The following FNDC1 variants were observed in gnomAD, a reference collection of about 807,000 sequenced individuals.
FNDC1 encodes fibronectin type III domain-containing protein 1.
In FNDC1, 96 loss-of-function variants were observed where a neutral mutation model predicts 168.0. That is an observed-to-expected ratio of 0.57 (90% CI 0.48 to 0.68). The LOEUF (loss-of-function observed/expected upper bound fraction) is 0.68, where lower values mean the gene tolerates loss of function less well. Ranked by LOEUF, FNDC1 falls within the 30% of genes least tolerant of loss-of-function variation. The pLI, the probability that FNDC1 is intolerant of heterozygous loss-of-function variation, is 0.00. For synonymous variants in FNDC1, 1,099 were observed against 1,025.9 expected, an observed-to-expected ratio of 1.07 and a Z score of -1.36; for missense variants, 2,587 against 2,482.1, an observed-to-expected ratio of 1.04 and a Z score of -0.90.
Position 159,231,982 on chromosome 6 carries a change from C to A in FNDC1, c.1470C>A (p.His490Gln). The change falls in exon 11 of 23, where the codon CAC becomes CAA. Residue 490 changes from histidine (H) to glutamine (Q), a missense_variant. Transcript: ENST00000297267. ...PSPRAPASSQ[H>Q]PSVPASPQGR... Reference sequence around the variant, plus strand: ...CCAGAGCTCCAGCTTCCTCCCAACACCCCTCTGTGCCTGCTTCTCCCCAAG... The same window carrying A: ...CCAGAGCTCCAGCTTCCTCCCAACAACCCTCTGTGCCTGCTTCTCCCCAAG... 1 of 1,614,018 alleles carries A rather than the reference C, an allele frequency of 6.2e-7. No individual in the cohort carries two copies. Among genetic ancestry groups the A allele is most frequent in the South Asian group, 1.1e-5 (1 of 91,078 alleles).
rs1434237919 is a variant in FNDC1 at position 159,245,841 on chromosome 6, C to T, written c.4622-1060C>T. Among the ~76,000 whole-genome samples the T allele has an allele frequency of 2.6e-4, 2 of 7,826 alleles. 1 individual carries two copies. The highest frequency in any genetic ancestry group is 2.1e-3 in the East Asian group (2 of 956). 5.1% of individuals were successfully genotyped at this position (7,826 alleles called of 152,430 possible). On this transcript the variant is annotated intron_variant, in intron 14 of 22. Coordinates refer to ENST00000297267, the MANE Select transcript of FNDC1 (RefSeq NM_032532.3). ...TCGGCTCACTGCAAGCTCCACCTCC[C>T]GGGTTCACGCCATTCTCCTGCCTCA...
intron 18 of FNDC1, among the ~76,000 whole-genome samples, chr6:159,260,667 T>A (rs1247237311): frequency 6.6e-6 from 1 of 152,236 alleles, no homozygotes; most frequent in Non-Finnish European, 1.5e-5. Context: ...CCTCTCCCTG[T>A]CAACCATAAG....
chr6:159,200,074 G>A lies in FNDC1; in HGVS notation c.383G>A (p.Ser128Asn). ...GVSRPVYRAE[S>N]PPGGEWIEID... Reference sequence around the variant, plus strand: ...AGCCGTCCTGTTTACAGAGCTGAAAGCCCACCTGGTAAGTCCTATCTAGAA... The same window carrying A: ...AGCCGTCCTGTTTACAGAGCTGAAAACCCACCTGGTAAGTCCTATCTAGAA... The change falls in exon 3 of 23, where the codon AGC becomes AAC. Residue 128 changes from serine (S) to asparagine (N), a missense_variant. Transcript: ENST00000297267. 6.3e-7 allele frequency: 1 copy of A among 1,595,216 alleles called. No individual in the cohort carries two copies. Among genetic ancestry groups the A allele is most frequent in the Non-Finnish European group, 8.5e-7 (1 of 1,170,334 alleles).
rs1361814216 is a variant in FNDC1 at position 159,231,957 on chromosome 6, C to T, written c.1445C>T (p.Pro482Leu). The T allele has an allele frequency of 1.2e-6, 2 of 1,613,968 alleles. No homozygotes were observed. Among genetic ancestry groups the T allele is most frequent in the South Asian group, 2.2e-5 (2 of 91,072 alleles). Reference sequence around the variant, plus strand: ...AAACCTGAGCCTTCCTCACCTTCTCCCAGAGCTCCAGCTTCCTCCCAACAC... The same window carrying T: ...AAACCTGAGCCTTCCTCACCTTCTCTCAGAGCTCCAGCTTCCTCCCAACAC... ...PEKPEPSSPS[P>L]RAPASSQHPS... The change falls in exon 11 of 23, where the codon CCC becomes CTC. Residue 482 changes from proline to leucine, a missense_variant. Transcript: ENST00000297267.
chr6:159,232,604 C>G lies in FNDC1; in HGVS notation c.2092C>G (p.Arg698Gly), dbSNP rs1339056386. 6.2e-7 allele frequency: 1 copy of G among 1,607,554 alleles called. No homozygotes were observed. The highest frequency in any genetic ancestry group is 8.5e-7 in the Non-Finnish European group (1 of 1,175,924). ...HPGAKPASPA[R>G]RTPHSGAAEE... ...CGGCGCAAAGCCAGCCTCGCCGGCC[C>G]GGAGGACCCCCCATTCAGGGGCCGC... The change falls in exon 11 of 23, where the codon CGG becomes GGG. Residue 698 changes from arginine to glycine, a missense_variant. Arg to Gly is a moderately radical substitution (Grantham distance 125, BLOSUM62 -2). Coordinates refer to ENST00000297267, the MANE Select transcript of FNDC1 (RefSeq NM_032532.3). This position sits in a 1 kb window ranked among gnomAD's most constrained non-coding sequence, Gnocchi z 4.9.
At chr6:159,249,761 T>C (rs1039986899) in intron 16 of FNDC1, among the ~76,000 whole-genome samples, 4 of 152,360 alleles carry the variant, frequency 2.6e-5, no homozygotes, top group South Asian at 2.1e-4. Flanking sequence ...GTCTTGCAAG[T>C]CTTCTTTTCC....
intron 1 of FNDC1, among the ~76,000 whole-genome samples, chr6:159,188,467 C>T (rs1381513072): frequency 4.0e-5 from 6 of 151,764 alleles, no homozygotes; most frequent in Non-Finnish European, 5.9e-5. Context: ...CTCCGCCTCC[C>T]GGGTTCATGC....
At chr6:159,216,747 C>A (rs781573972) in intron 5 of FNDC1, among the ~76,000 whole-genome samples, 4 of 152,214 alleles carry the variant, frequency 2.6e-5, no homozygotes, top group Non-Finnish European at 4.4e-5. Context: ...AGTACACTTG[C>A]CCTATGTTCT....
chr6:159,261,465 C>T (rs1777483017), intron 19 of FNDC1, among the ~76,000 whole-genome samples, 196 bp downstream of exon 19: 2 of 152,100 alleles, frequency 1.3e-5, no homozygotes, highest in African/African-American at 4.8e-5. Flanking sequence ...GTAGTTTTCA[C>T]GGGCTCTCTG....
At position 159,234,289 on chromosome 6, in the gene FNDC1, C is replaced by G; in HGVS notation, c.3777C>G (p.Ser1259=). 6.2e-7 allele frequency: 1 copy of G among 1,602,406 alleles called. No homozygotes were observed. The highest frequency in any genetic ancestry group is 8.5e-7 in the Non-Finnish European group (1 of 1,174,716). ...GSSPRASHVP[S]RLPPRSAATV... The stretch of plus-strand genomic sequence containing the variant: ...CCCCCAGGGCCTCCCACGTCCCTTC[C>G]CGACTGCCGCCTCGCAGCGCTGCCA... Residue 1259 remains serine, a synonymous_variant, in exon 11 of 23, where the codon TCC becomes TCG. Coordinates refer to ENST00000297267, the MANE Select transcript of FNDC1 (RefSeq NM_032532.3).
chr6:159,202,902 T>C (rs1386213984), intron 4 of FNDC1, among the ~76,000 whole-genome samples: 1 of 152,248 alleles, frequency 6.6e-6, no homozygotes, highest in Non-Finnish European at 1.5e-5. Flanking sequence ...TGCCACAGAC[T>C]GGTGGCTTAG....
chr6:159,177,637 G>A (rs1781792012), intron 1 of FNDC1, among the ~76,000 whole-genome samples: 1 of 152,176 alleles, frequency 6.6e-6, no homozygotes, highest in Non-Finnish European at 1.5e-5. Context: ...CTGGGGGATG[G>A]TGGGGAAAAC....
intron 17 of FNDC1, among the ~76,000 whole-genome samples, chr6:159,251,925 A>C (rs1453471482): frequency 6.6e-6 from 1 of 152,206 alleles, no homozygotes; most frequent in Admixed American, 6.5e-5. Flanking sequence ...TCCTGCAGTG[A>C]GCGTGACCAT....
At chr6:159,231,782 T>C in intron 10 of FNDC1, 100 bp from the exon 11 acceptor site, 1 of 952,024 alleles carries the variant, frequency 1.1e-6, no homozygotes, top group Non-Finnish European at 1.5e-6. Flanking sequence ...TGACTACTGA[T>C]TTGAAATGCC....
chr6:159,171,874 T>C (rs1488466101), intron 1 of FNDC1, among the ~76,000 whole-genome samples: 1 of 152,190 alleles, frequency 6.6e-6, no homozygotes, highest in Non-Finnish European at 1.5e-5. Context: ...GAATTTTCCA[T>C]GTCAAAACTA....
chr6:159,252,770 T>C (rs1007023467), intron 17 of FNDC1, among the ~76,000 whole-genome samples: 2 of 152,220 alleles, frequency 1.3e-5, no homozygotes, highest in Admixed American at 1.3e-4. Context: ...CAAGAAAGCA[T>C]ACAGAAAAAT....
In FNDC1 at chr6:159,231,381, C is replaced by CAA. The variant is rs1185205858; in HGVS notation, c.1370-488_1370-487dup. ...TGGGCGACAGAGCGAGACTCCGTCT[C>CAA]AAAAAAAAAAAAAATTACAAATTGG... On this transcript the variant is annotated intron_variant, in intron 10 of 22. Coordinates refer to ENST00000297267, the MANE Select transcript of FNDC1 (RefSeq NM_032532.3). Among the ~76,000 whole-genome samples the CAA allele has an allele frequency of 8.5e-4, 24 of 28,212 alleles. 3 individuals carry two copies. Among genetic ancestry groups the CAA allele is most frequent in the Admixed American group, 1.2e-3 (2 of 1,634 alleles). 18.5% of individuals were successfully genotyped at this position (28,212 alleles called of 152,430 possible).
intron 4 of FNDC1, among the ~76,000 whole-genome samples, 189 bp from the exon 5 acceptor site, chr6:159,214,756 A>G (rs631028): frequency 0.15 from 22,772 of 152,132 alleles, 1,966 homozygotes; most frequent in East Asian, 0.37. Context: ...AAATGTGGGG[A>G]GGAATATGTG....
intron 4 of FNDC1, among the ~76,000 whole-genome samples, chr6:159,201,414 A>T (rs1782374572): frequency 6.6e-6 from 1 of 152,206 alleles, no homozygotes; most frequent in Non-Finnish European, 1.5e-5. Flanking sequence ...GGAAGAACAA[A>T]ACATCAGAAA....
Sources: allele counts gnomAD v4.1 joint callset (sites outside exome capture counted in the v4.1 genomes callset), GRCh38; gene constraint gnomAD v4.1.1; non-coding constraint Gnocchi (gnomAD v3.1); transcripts MANE v1.5; gene names NCBI Gene and HGNC (gene_info 2026-07-23, HGNC 2026-07-21).